AHNAK: variants seen among roughly 807,000 people sequenced by gnomAD.
The protein encoded by AHNAK is AHNAK nucleoprotein, also known as neuroblast differentiation-associated protein AHNAK.
In AHNAK, 23 loss-of-function variants were observed where a neutral mutation model predicts 37.8. The ratio of observed to expected loss-of-function variants is 0.61; its 90% confidence interval spans 0.44 to 0.86. The LOEUF (loss-of-function observed/expected upper bound fraction) is 0.86, where lower values mean the gene tolerates loss of function less well. Ranked by LOEUF, AHNAK falls within the 40% of genes least tolerant of loss-of-function variation. AHNAK has a pLI of 0.00. For synonymous variants in AHNAK, 2,481 were observed against 2,636.3 expected (o/e 0.94, Z 1.80); for missense variants, 7,411 against 7,319.4 (o/e 1.01, Z -0.46).
chr11:62,495,881 T>G (rs1266833804), intron 4 of AHNAK, among the ~76,000 whole-genome samples: 3 of 151,950 alleles, frequency 2.0e-5, no homozygotes, highest in Admixed American at 2.0e-4. Context: ...AAACCTCGTC[T>G]CTACTAAAAA....
intron 5 of AHNAK, among the ~76,000 whole-genome samples, chr11:62,455,796 C>T (rs1448622327): frequency 7.3e-5 from 11 of 151,242 alleles, no homozygotes; most frequent in African/African-American, 2.2e-4. Flanking sequence ...ACCTGGGAGG[C>T]GGAGGTTGCA....
rs149206056 is a variant in AHNAK, at chr11:62,518,162, C to T, written c.16255G>A (p.Asp5419Asn). ...GGCCCCTTGGCATTGACGTGCAAGT[C>T]GGACCCCGGAGTAGAGATGCCAAAT... ...PQFGISTPGSDLHVNAKGPQV... is the reference protein window; with the variant it reads ...PQFGISTPGSNLHVNAKGPQV... The change falls in exon 5 of 5, where the codon GAC (aspartate) becomes AAC (asparagine). Residue 5419 changes from aspartate to asparagine, a missense_variant. Transcript: ENST00000378024. The T allele has an allele frequency of 7.9e-4, 1,269 of 1,614,148 alleles. 1 individual carries two copies. Among genetic ancestry groups the T allele is most frequent in the Non-Finnish European group, 9.6e-4 (1,136 of 1,180,022 alleles).
At chr11:62,493,275 A>C (rs1378432711) in intron 4 of AHNAK, among the ~76,000 whole-genome samples, 1 of 150,622 alleles carries the variant, frequency 6.6e-6, no homozygotes, top group Non-Finnish European at 1.5e-5. Flanking sequence ...CAGCCTCACA[A>C]AGTGCTGGGA....
Position 62,517,898 on chromosome 11 carries a change from G to A in AHNAK, c.16519C>T (p.Pro5507Ser). The change falls in exon 5 of 5, where the codon CCA becomes TCA. Residue 5507 changes from proline (P) to serine (S), a missense_variant. Physicochemically the swap from Pro to Ser is moderately conservative, Grantham distance 74 (BLOSUM62 -1). Transcript: ENST00000378024. ...IKSSGCDVNL[P>S]GVNVKLPTGQ... ...GTTGGGAGTTTCACATTCACGCCTG[G>A]CAGGTTCACATCACATCCAGAGGAC... is the stretch of plus-strand genomic sequence containing the variant. The A allele has an allele frequency of 6.2e-7, 1 of 1,614,148 alleles. No homozygotes were observed. Among genetic ancestry groups the A allele is most frequent in the Non-Finnish European group, 8.5e-7 (1 of 1,180,016 alleles).
chr11:62,534,188 A>C, intron 4 of AHNAK, 114 bp from the exon 5 acceptor site: 1 of 1,138,606 alleles, frequency 8.8e-7, no homozygotes, highest in Non-Finnish European at 1.2e-6. Context: ...GCTGGGACCA[A>C]AACAGAGGTC....
At chr11:62,536,223 C>A in intron 2 of AHNAK, 125 bp from the exon 3 acceptor site, 1 of 1,047,534 alleles carries the variant, frequency 9.5e-7, no homozygotes, top group Non-Finnish European at 1.3e-6. Context: ...TGCACCTGCC[C>A]CTGCAGCTGG....
intron 5 of AHNAK, among the ~76,000 whole-genome samples, chr11:62,476,759 G>A (rs758984571): frequency 6.6e-5 from 10 of 152,120 alleles, no homozygotes; most frequent in Admixed American, 1.3e-4. Flanking sequence ...GTCGATGACC[G>A]GTGGTTGGAC....
intron 5 of AHNAK, among the ~76,000 whole-genome samples, chr11:62,443,223 G>A (rs1360712071): frequency 6.7e-6 from 1 of 148,784 alleles, no homozygotes; most frequent in Non-Finnish European, 1.5e-5. Flanking sequence ...TGATCCACCT[G>A]CCTCGGCCTC....
intron 4 of AHNAK, among the ~76,000 whole-genome samples, chr11:62,498,019 T>C (rs1565214716): frequency 6.6e-6 from 1 of 151,496 alleles, no homozygotes; most frequent in African/African-American, 2.4e-5. Flanking sequence ...AATAGAGGAA[T>C]TGTCAAATAT....
rs757377840 is a variant in AHNAK, at chr11:62,525,645, A to T, written c.8772T>A (p.Asp2924Glu). The T allele has an allele frequency of 6.2e-7, 1 of 1,613,080 alleles. No homozygotes were observed. The highest frequency in any genetic ancestry group is 1.1e-5 in the South Asian group (1 of 91,020). Residue 2924 changes from aspartate (D) to glutamate (E), a missense_variant, in exon 5 of 5, where the codon GAT becomes GAA. By Grantham distance (45) the Asp-to-Glu change is conservative. Transcript: ENST00000378024. ...CAACGTCCACTTTGGGGCCTGAGAC[A>T]TCAACGTCAGCCTTGGGCAGGTTCA... Reference protein sequence around the residue: ...VDVNLPKADVDVSGPKVDVEG... With the variant: ...VDVNLPKADVEVSGPKVDVEG...
In AHNAK at chr11:62,529,403, C is replaced by T; in HGVS notation, c.5014G>A (p.Asp1672Asn). ...CCTTCTACCTTGGGCACAGACACAT[C>T]CATATCCCCTTTGACTTTGGGGCCT... is the stretch of plus-strand genomic sequence containing the variant. ...LKGPKVKGDM[D>N]VSVPKVEGEM... The change falls in exon 5 of 5, where the codon GAT (aspartate) becomes AAT (asparagine). Residue 1672 changes from aspartate to asparagine, a missense_variant. Coordinates refer to ENST00000378024, the MANE Select transcript of AHNAK (RefSeq NM_001620.3). 4 of 1,614,050 alleles carry T rather than the reference C, an allele frequency of 2.5e-6. No individual in the cohort carries two copies. Among genetic ancestry groups the T allele is most frequent in the Non-Finnish European group, 3.4e-6 (4 of 1,179,998 alleles).
At chr11:62,439,087 C>CTTT (rs541862415) in intron 5 of AHNAK, among the ~76,000 whole-genome samples, 4 of 112,840 alleles carry the variant, frequency 3.5e-5, no homozygotes, top group African/African-American at 2.9e-5. Flanking sequence ...CTCAGTTTCC[C>CTTT]TATTTTTTTT....
chr11:62,503,582 CA>C (rs550775832), intron 4 of AHNAK, among the ~76,000 whole-genome samples: 137 of 127,366 alleles, frequency 1.1e-3, no homozygotes, highest in Admixed American at 1.1e-3. Context: ...GACTCCATCT[CA>C]AAAAAAAAAA....
downstream of AHNAK, among the ~76,000 whole-genome samples, chr11:62,515,709 T>C (rs1939997944): frequency 1.3e-5 from 2 of 152,208 alleles, no homozygotes; most frequent in South Asian, 4.1e-4. Flanking sequence ...TTCTCAGCAA[T>C]GGCACAACCA....
At position 62,518,046 on chromosome 11, in the gene AHNAK, T is replaced by C; in HGVS notation, c.16371A>G (p.Glu5457=). ...CAAGGCTCCCTTTCACTTTTGGTCCTTCCAAGTTAAAGTCCACATTCGGTG... is the reference window on the plus strand; with the variant it reads ...CAAGGCTCCCTTTCACTTTTGGTCCCTCCAAGTTAAAGTCCACATTCGGTG... ...ISAPNVDFNL[E]GPKVKGSLGA... Residue 5457 remains glutamate (E), a synonymous_variant, in exon 5 of 5, where the codon GAA becomes GAG. Coordinates refer to ENST00000378024, the MANE Select transcript of AHNAK (RefSeq NM_001620.3). 1 of 1,614,214 alleles carries C rather than the reference T, an allele frequency of 6.2e-7. No individual in the cohort carries two copies. The highest frequency in any genetic ancestry group is 2.2e-5 in the East Asian group (1 of 44,882).
rs1940292889 is a variant in AHNAK, at chr11:62,522,444, C to A, written c.11973G>T (p.Met3991Ile). 8 of 1,613,690 alleles carry A rather than the reference C, an allele frequency of 5.0e-6. No homozygotes were observed. Among genetic ancestry groups the A allele is most frequent in the Non-Finnish European group, 6.8e-6 (8 of 1,179,970 alleles). Residue 3991 changes from methionine (M) to isoleucine (I), a missense_variant, in exon 5 of 5, where the codon ATG becomes ATT. Met to Ile is a conservative substitution (Grantham distance 10, BLOSUM62 1). Transcript: ENST00000378024. ...TGGGGGCTTTGATGTTCATCTCTGG[C>A]ATCTTGAATTTAGGGCCCTTCAGTT... is the stretch of plus-strand genomic sequence containing the variant. ...DAKLKGPKFK[M>I]PEMNIKAPKI...
intron 5 of AHNAK, among the ~76,000 whole-genome samples, chr11:62,482,122 A>AGAT (rs1191521566): frequency 6.6e-6 from 1 of 152,036 alleles, no homozygotes; most frequent in African/African-American, 2.4e-5. Flanking sequence ...ACCTTCATCA[A>AGAT]GATGTATTTA....
intron 5 of AHNAK, among the ~76,000 whole-genome samples, chr11:62,474,389 T>C (rs983172169): frequency 3.3e-5 from 5 of 152,192 alleles, no homozygotes; most frequent in South Asian, 2.1e-4. Flanking sequence ...TTCACCACGT[T>C]AGTCAGGCTG....
intron 5 of AHNAK, among the ~76,000 whole-genome samples, chr11:62,434,932 C>CA (rs55712038): frequency 0.51 from 42,522 of 84,202 alleles, 11,030 homozygotes; most frequent in Non-Finnish European, 0.62. Context: ...GACCCTGTCT[C>CA]AAAAAAAAAA....
Sources: gnomAD v4.1 joint callset for allele counts (sites outside exome capture counted in the v4.1 genomes callset) on GRCh38, gnomAD v4.1.1 for gene constraint, MANE v1.5 for transcripts, NCBI Gene and HGNC (gene_info 2026-07-23, HGNC 2026-07-21) for gene names.